The following GNA15 variants were observed in gnomAD, a reference collection of about 807,000 sequenced individuals.
GNA15 encodes the protein guanine nucleotide-binding protein subunit alpha-15.
In GNA15, 23 loss-of-function variants were observed where a neutral mutation model predicts 40.1. The observed-to-expected ratio is 0.57, with a 90% CI of 0.41 to 0.81. The LOEUF (loss-of-function observed/expected upper bound fraction) is 0.81, where lower values mean the gene tolerates loss of function less well. Ranked by LOEUF, GNA15 falls within the 40% of genes least tolerant of loss-of-function variation. The pLI is 0.00. For missense variants in GNA15, 522 were observed against 515.8 expected (o/e 1.01, Z -0.12); for synonymous variants, 226 against 210.4 (o/e 1.07, Z -0.64).
At chr19:3,144,501 AGTTT>A (rs1184466239) in intron 1 of GNA15, among the ~76,000 whole-genome samples, 8 of 151,992 alleles carry the variant, frequency 5.3e-5, no homozygotes, top group East Asian at 3.9e-4. Flanking sequence ...TCGTTTGAGT[AGTTT>A]GTTTGTTTAT....
In GNA15 at chr19:3,163,438, T is replaced by C. The variant is rs1207069547; in HGVS notation, c.*419T>C. ...GGGGCTAGTAGAGCCTTCAGGCGCC[T>C]TCGGGCGTGGACTCTGGCGCACTCT... On this transcript the variant is annotated 3_prime_UTR_variant, in exon 7 of 7. Transcript: ENST00000262958. 2 of 220,072 alleles carry C rather than the reference T, an allele frequency of 9.1e-6. No individual in the cohort carries two copies. The highest frequency in any genetic ancestry group is 2.5e-4 in the East Asian group (2 of 8,006). 13.6% of individuals were successfully genotyped at this position (220,072 alleles called of 1,614,324 possible).
chr19:3,144,736 G>C (rs979779728), intron 1 of GNA15, among the ~76,000 whole-genome samples: 1 of 151,088 alleles, frequency 6.6e-6, no homozygotes, highest in African/African-American at 2.4e-5. Flanking sequence ...CACCGTGTTA[G>C]CCAGGATGGT....
chr19:3,157,855 T>A lies in GNA15; in HGVS notation c.872T>A (p.Leu291Gln). 2 of 1,613,624 alleles carry A rather than the reference T, an allele frequency of 1.2e-6. No homozygotes were observed. Among genetic ancestry groups the A allele is most frequent in the Non-Finnish European group, 1.7e-6 (2 of 1,179,484 alleles). ...ILEEKIPTSH[L>Q]ATYFPSFQGP... Reference sequence around the variant, plus strand: ...GAGGAGAAAATCCCCACCTCCCACCTGGCTACCTATTTCCCCAGTTTCCAG... The same window carrying A: ...GAGGAGAAAATCCCCACCTCCCACCAGGCTACCTATTTCCCCAGTTTCCAG... Residue 291 changes from leucine to glutamine, a missense_variant, in exon 6 of 7, where the codon CTG (leucine) becomes CAG (glutamine). Physicochemically the swap from Leu to Gln is moderately radical, Grantham distance 113 (BLOSUM62 -2). Transcript: ENST00000262958.
chr19:3,144,591 T>G (rs182433422), intron 1 of GNA15, among the ~76,000 whole-genome samples: 2 of 152,056 alleles, frequency 1.3e-5, no homozygotes, highest in East Asian at 1.9e-4. Flanking sequence ...TGCAGTGGCA[T>G]GATCTCGGCT....
intron 5 of GNA15, among the ~76,000 whole-genome samples, chr19:3,156,409 GCACACACATGAA>G (rs143660523): frequency 0.1 from 15,378 of 149,018 alleles, 948 homozygotes; most frequent in African/African-American, 0.17. Context: ...GTACACATGC[GCACACACATGAA>G]CACACACATG....
At chr19:3,149,805 A>C in intron 2 of GNA15, 1 of 234,792 alleles carries the variant, frequency 4.3e-6, no homozygotes, top group Non-Finnish European at 8.4e-6. Context: ...GGAAGGGGGG[A>C]CTGTGAGTGC....
chr19:3,140,263 T>G (rs1338773404), intron 1 of GNA15, among the ~76,000 whole-genome samples: 1 of 152,222 alleles, frequency 6.6e-6, no homozygotes, highest in Non-Finnish European at 1.5e-5. Context: ...TTTATTGGCA[T>G]AACATTTATA....
rs1914473713 is a variant in GNA15, at chr19:3,136,983, G to T, written c.145+388G>T. On this transcript the variant is annotated intron_variant, in intron 1 of 6. Transcript: ENST00000262958. This position sits in a 1 kb window ranked among gnomAD's most constrained non-coding sequence, Gnocchi z 4.9. ...CAGCCCACCCGTAAGGGAGGGGCCG[G>T]CTCCAGCCTCTCCTTCACCAGGACG... 6.6e-6 allele frequency among the ~76,000 whole-genome samples: 1 copy of T among 152,222 alleles called. No homozygotes were observed. Among genetic ancestry groups the T allele is most frequent in the Non-Finnish European group, 1.5e-5 (1 of 68,038 alleles).
chr19:3,159,720 T>C (rs1045905959), intron 6 of GNA15, among the ~76,000 whole-genome samples: 2 of 152,202 alleles, frequency 1.3e-5, no homozygotes, highest in African/African-American at 4.8e-5. Context: ...ACAATGACCT[T>C]CTTTCATGCG....
intron 4 of GNA15, among the ~76,000 whole-genome samples, chr19:3,152,608 G>A (rs1008353295): frequency 6.6e-6 from 1 of 152,130 alleles, no homozygotes; most frequent in African/African-American, 2.4e-5. Context: ...AATGTCAAAG[G>A]TCAGGAAAGG....
chr19:3,161,960 G>A (rs1448899497), intron 6 of GNA15, among the ~76,000 whole-genome samples: 1 of 151,926 alleles, frequency 6.6e-6, no homozygotes, highest in African/African-American at 2.4e-5. Context: ...TTGAACCCAG[G>A]AGGTGGAGGT....
intron 1 of GNA15, among the ~76,000 whole-genome samples, chr19:3,147,793 C>T (rs1414084396): frequency 2.1e-5 from 3 of 142,090 alleles, no homozygotes; most frequent in Admixed American, 1.5e-4. Context: ...GAGGCTGAGG[C>T]AGGAGAATGG....
At chr19:3,140,391 G>T (rs1437321176) in intron 1 of GNA15, among the ~76,000 whole-genome samples, 4 of 152,038 alleles carry the variant, frequency 2.6e-5, no homozygotes, top group African/African-American at 4.8e-5. Flanking sequence ...CAAGCTAGGG[G>T]TTTATCACTT....
intron 1 of GNA15, among the ~76,000 whole-genome samples, chr19:3,137,449 A>G (rs1914482934): frequency 6.6e-6 from 1 of 152,126 alleles, no homozygotes; most frequent in African/African-American, 2.4e-5. Flanking sequence ...GGAGTTCAAG[A>G]CACAGCCAGG....
At chr19:3,152,033 G>A (rs1242376035) in intron 4 of GNA15, among the ~76,000 whole-genome samples, 198 bp downstream of exon 4, 1 of 152,206 alleles carries the variant, frequency 6.6e-6, no homozygotes, top group African/African-American at 2.4e-5. Flanking sequence ...TAGGAGCCCA[G>A]GCTGAGGCAT....
rs1915004065 is a variant in GNA15, at chr19:3,155,945, A to G, written c.737A>G (p.Asn246Ser). ...TACGACCAGTGCCTGGAGGAGAACA[A>G]CCAGGAGGTGCGCCACCGCCTCCCT... ...SEYDQCLEENNQENRMKESLA... is the reference protein window; with the variant it reads ...SEYDQCLEENSQENRMKESLA... The change falls in exon 5 of 7, where the codon AAC becomes AGC. Residue 246 changes from asparagine (N) to serine (S), a missense_variant. Asn to Ser is a conservative substitution (Grantham distance 46, BLOSUM62 1). Transcript: ENST00000262958. This position sits in a 1 kb window ranked among gnomAD's most constrained non-coding sequence, Gnocchi z 5.6. The G allele has an allele frequency of 6.2e-7, 1 of 1,613,566 alleles. No homozygotes were observed. Among genetic ancestry groups the G allele is most frequent in the Admixed American group, 1.7e-5 (1 of 59,964 alleles).
In GNA15 at chr19:3,144,815, A is replaced by T. The variant is rs563359088; in HGVS notation, c.146-3776A>T. Among the ~76,000 whole-genome samples, 1,332 of 146,758 alleles carry T rather than the reference A, an allele frequency of 9.1e-3. 18 individuals carry two copies. The highest frequency in any genetic ancestry group is 0.032 in the African/African-American group (1,282 of 39,498). ...AGTGCTGAGATTACAGGCGTGAGCCACCGGGCCCGGCCCTTTATTTTTATT... is the reference window on the plus strand; with the variant it reads ...AGTGCTGAGATTACAGGCGTGAGCCTCCGGGCCCGGCCCTTTATTTTTATT... On this transcript the variant is annotated intron_variant, in intron 1 of 6. Transcript: ENST00000262958.
Position 3,146,763 on chromosome 19 carries a change from G to A in GNA15, c.146-1828G>A, listed in dbSNP as rs75753200. 5.0e-3 allele frequency among the ~76,000 whole-genome samples: 758 copies of A among 151,900 alleles called. 11 individuals are homozygous for A. Among genetic ancestry groups the A allele is most frequent in the African/African-American group, 0.018 (736 of 41,412 alleles). ...CCCACAGCCTGTCCTCCCTGCAGCA[G>A]CCACCAGAGGGCGCCTGTGAGCACC... On this transcript the variant is annotated intron_variant, in intron 1 of 6. Coordinates refer to ENST00000262958, the MANE Select transcript of GNA15 (RefSeq NM_002068.4).
At chr19:3,140,244 G>A (rs1449776764) in intron 1 of GNA15, among the ~76,000 whole-genome samples, 1 of 152,066 alleles carries the variant, frequency 6.6e-6, no homozygotes, top group African/African-American at 2.4e-5. Flanking sequence ...TTTTGCCTGT[G>A]TTATCAAATT....
Sources: allele counts gnomAD v4.1 joint callset (sites outside exome capture counted in the v4.1 genomes callset), GRCh38; gene constraint gnomAD v4.1.1; non-coding constraint Gnocchi (gnomAD v3.1); transcripts MANE v1.5; gene names NCBI Gene and HGNC (gene_info 2026-07-23, HGNC 2026-07-21).